The following EPN2 variants were observed in gnomAD, a reference collection of about 807,000 sequenced individuals.
EPN2 encodes the protein epsin 2, also known as epsin-2.
In EPN2, 34 loss-of-function variants were observed where a neutral mutation model predicts 61.7. That is an observed-to-expected ratio of 0.55 (90% CI 0.42 to 0.73). EPN2 has a LOEUF of 0.73. Ranked by LOEUF, EPN2 falls within the 30% of genes least tolerant of loss-of-function variation. The pLI is 0.00. For synonymous variants in EPN2, 349 were observed against 353.6 expected (o/e 0.99, Z 0.15); for missense variants, 714 against 839.2 (o/e 0.85, Z 1.84).
intron 4 of EPN2, among the ~76,000 whole-genome samples, chr17:19,286,353 A>G (rs1387820529): frequency 6.6e-6 from 1 of 152,122 alleles, no homozygotes; most frequent in African/African-American, 2.4e-5. Flanking sequence ...AGTTAGCTGT[A>G]CTGTCAATTC....
At chr17:19,237,972 G>T (rs2044836533) in intron 1 of EPN2, among the ~76,000 whole-genome samples, 1 of 152,186 alleles carries the variant, frequency 6.6e-6, no homozygotes, top group Admixed American at 6.5e-5. Context: ...CTGGTCTCCC[G>T]CCAGCCCCCG....
chr17:19,290,531 T>C (rs780764657), intron 4 of EPN2, among the ~76,000 whole-genome samples: 3 of 151,214 alleles, frequency 2.0e-5, no homozygotes, highest in African/African-American at 4.9e-5. Context: ...CTGGCCTCTG[T>C]TGAGGGTGGG....
At chr17:19,254,705 A>C (rs2045055325) in intron 1 of EPN2, among the ~76,000 whole-genome samples, 1 of 152,034 alleles carries the variant, frequency 6.6e-6, no homozygotes, top group African/African-American at 2.4e-5. Context: ...TTGAGGTTTG[A>C]GGATGAGTAG....
At chr17:19,299,301 A>C (rs562834900) in intron 4 of EPN2, among the ~76,000 whole-genome samples, 1 of 152,340 alleles carries the variant, frequency 6.6e-6, no homozygotes, top group Admixed American at 6.5e-5. Flanking sequence ...AAAAGAGATA[A>C]ATGATTATCT....
intron 7 of EPN2, among the ~76,000 whole-genome samples, chr17:19,328,076 CTG>C (rs560501711): frequency 6.3e-4 from 96 of 152,154 alleles, no homozygotes; most frequent in South Asian, 1.9e-3. Flanking sequence ...ATTTTTTTCT[CTG>C]TTTTTTAAAG....
intron 10 of EPN2, among the ~76,000 whole-genome samples, 158 bp downstream of exon 10, chr17:19,332,226 G>A (rs1383636838): frequency 1.3e-5 from 2 of 152,096 alleles, no homozygotes; most frequent in Non-Finnish European, 2.9e-5. Context: ...GCTGCATGGG[G>A]TGGGGTGTGG....
At chr17:19,304,312 G>A (rs747507911) in intron 4 of EPN2, among the ~76,000 whole-genome samples, 16 of 152,188 alleles carry the variant, frequency 1.1e-4, no homozygotes, top group Non-Finnish European at 1.5e-5. Context: ...ACCACAGGAT[G>A]ATGTCACCAC....
At chr17:19,304,663 A>G (rs1219453486) in intron 4 of EPN2, among the ~76,000 whole-genome samples, 2 of 152,188 alleles carry the variant, frequency 1.3e-5, no homozygotes, top group Non-Finnish European at 2.9e-5. Flanking sequence ...ACCCCTTGGT[A>G]GGTCAGTTGT....
At chr17:19,332,736 C>T (rs1241750971) in intron 10 of EPN2, among the ~76,000 whole-genome samples, 2 of 152,228 alleles carry the variant, frequency 1.3e-5, no homozygotes, top group Non-Finnish European at 2.9e-5. Flanking sequence ...AATGTCCTCC[C>T]TCCTCTTCCC....
At chr17:19,323,072 A>G (rs547265979) in intron 7 of EPN2, among the ~76,000 whole-genome samples, 5 of 152,224 alleles carry the variant, frequency 3.3e-5, no homozygotes, top group Middle Eastern at 3.2e-3. Flanking sequence ...GAGCTCAGCC[A>G]GGCTGTCACA....
rs1322449817 is a variant in EPN2, at chr17:19,285,634, C to T, written c.610C>T (p.Leu204=). 4 of 1,553,968 alleles carry T rather than the reference C, an allele frequency of 2.6e-6. No individual in the cohort carries two copies. Among genetic ancestry groups the T allele is most frequent in the Middle Eastern group, 2.3e-4 (1 of 4,344 alleles). ...CTGCCCCACAGCGCCTGAGGCCTCG[C>T]TGTGCCCCCAGCACCGCACAGGGGC... ...ASYHGSPEAS[L]CPQHRTGAPL... Residue 204 remains leucine (L), a synonymous_variant, in exon 4 of 11, where the codon CTG becomes TTG. Transcript: ENST00000314728. The surrounding 1 kb of genome is among the most constrained non-coding windows in gnomAD (Gnocchi z 4.5).
chr17:19,283,812 A>C lies in EPN2; in HGVS notation c.595+98A>C. 4.5e-6 allele frequency: 4 copies of C among 898,192 alleles called. No homozygotes were observed. Among genetic ancestry groups the C allele is most frequent in the Non-Finnish European group, 6.6e-6 (4 of 607,486 alleles). 55.6% of individuals were successfully genotyped at this position (898,192 alleles called of 1,614,324 possible). On this transcript the variant is annotated intron_variant, in intron 3 of 10. Coordinates refer to ENST00000314728, the MANE Select transcript of EPN2 (RefSeq NM_014964.5). The surrounding 1 kb of genome is among the most constrained non-coding windows in gnomAD (Gnocchi z 7.0). ...GGGCTTAGGGAGTGGTGGCCACTGCAGAGCTCGAACCTGTCCTCAGTACCC... is the reference window on the plus strand; with the variant it reads ...GGGCTTAGGGAGTGGTGGCCACTGCCGAGCTCGAACCTGTCCTCAGTACCC...
At chr17:19,332,328 G>T (rs796458928) in intron 10 of EPN2, among the ~76,000 whole-genome samples, 14 of 152,168 alleles carry the variant, frequency 9.2e-5, no homozygotes, top group African/African-American at 2.9e-4. Flanking sequence ...TCCCTGACTT[G>T]GTGCCCCCCC....
intron 8 of EPN2, 111 bp downstream of exon 8, chr17:19,328,998 C>T (rs1907035947): frequency 1.1e-6 from 1 of 951,782 alleles, no homozygotes; most frequent in African/African-American, 1.6e-5. Context: ...CATTTGCTCC[C>T]CTCCTCCCCC....
chr17:19,280,364 T>C (rs1342575934), intron 1 of EPN2, among the ~76,000 whole-genome samples: 1 of 152,236 alleles, frequency 6.6e-6, no homozygotes, highest in African/African-American at 2.4e-5. Flanking sequence ...GTTCTTTTTC[T>C]TTGTGAGGCC....
chr17:19,295,358 A>ACGCGCGCGCGCG (rs559120143), intron 4 of EPN2, among the ~76,000 whole-genome samples: 2 of 66,690 alleles, frequency 3.0e-5, no homozygotes, highest in African/African-American at 7.9e-5. Context: ...ACACACACAC[A>ACGCGCGCGCGCG]CACACACACG....
Position 19,285,674 on chromosome 17 carries a change from G to A in EPN2, c.650G>A (p.Ser217Asn), listed in dbSNP as rs1403700449. ...CGCACAGGGGCCCCGCTGGGTCAGA[G>A]TGAGGAGCTGCAGCCACTGAGCCAG... is the stretch of plus-strand genomic sequence containing the variant. ...QHRTGAPLGQ[S>N]EELQPLSQRH... Residue 217 changes from serine to asparagine, a missense_variant, in exon 4 of 11, where the codon AGT becomes AAT. This residue lies in a region of EPN2 where 304 missense variants were observed against 417.4 expected (regional missense o/e 0.73). Transcript: ENST00000314728. This position sits in a 1 kb window ranked among gnomAD's most constrained non-coding sequence, Gnocchi z 4.5. 3 of 1,579,638 alleles carry A rather than the reference G, an allele frequency of 1.9e-6. No individual in the cohort carries two copies. The highest frequency in any genetic ancestry group is 1.8e-5 in the Admixed American group (1 of 55,618).
chr17:19,336,615 C>T lies in EPN2; in HGVS notation c.*2361C>T, dbSNP rs1598033156. The T allele has an allele frequency of 1.3e-5, 2 of 152,422 alleles. No individual in the cohort carries two copies. The highest frequency in any genetic ancestry group is 2.9e-5 in the Non-Finnish European group (2 of 68,008). 9.4% of individuals were successfully genotyped at this position (152,422 alleles called of 1,614,324 possible). On this transcript the variant is annotated 3_prime_UTR_variant, in exon 11 of 11. Coordinates refer to ENST00000314728, the MANE Select transcript of EPN2 (RefSeq NM_014964.5). ...GGGCACCGTGGTGGAGGAAGTCACC[C>T]AGCTGTTTCTCAGTCCCAGAGGCCG...
chr17:19,319,716 G>C (rs1906558346), intron 7 of EPN2, among the ~76,000 whole-genome samples: 1 of 150,474 alleles, frequency 6.6e-6, no homozygotes, highest in Non-Finnish European at 1.5e-5. Context: ...GGTATGATCT[G>C]GGCTCACTGC....
Sources: allele counts gnomAD v4.1 joint callset (sites outside exome capture counted in the v4.1 genomes callset), GRCh38; gene constraint gnomAD v4.1.1; regional missense constraint gnomAD v4.1.1; non-coding constraint Gnocchi (gnomAD v3.1); transcripts MANE v1.5; gene names NCBI Gene and HGNC (gene_info 2026-07-23, HGNC 2026-07-21).